The following PAK3 variants were observed in gnomAD, a reference collection of about 807,000 sequenced individuals.
PAK3 encodes serine/threonine-protein kinase PAK 3.
In PAK3, 4 loss-of-function variants were observed where a neutral mutation model predicts 41.0. That is an observed-to-expected ratio of 0.10 (90% CI 0.05 to 0.22). The LOEUF (loss-of-function observed/expected upper bound fraction) is 0.22, where lower values mean the gene tolerates loss of function less well. PAK3 is among the 10% of genes least tolerant of loss of function. The probability of loss-of-function intolerance (pLI) is 1.00; values close to 1 mark genes in which losing one functional copy is unlikely to be tolerated. For missense variants in PAK3, 205 were observed against 409.9 expected (o/e 0.50, Z 4.32); for synonymous variants, 146 against 139.6 (o/e 1.05, Z -0.32).
chrX:111,186,232 A>C (rs750068669), intron 11 of PAK3, among the ~76,000 whole-genome samples: 1 of 111,707 alleles, frequency 9.0e-6, no homozygotes, highest in Non-Finnish European at 1.9e-5. Context: ...AAACCAGCAT[A>C]AGACAAGGTT....
chrX:111,178,157 A>G (rs2094426456), intron 11 of PAK3, among the ~76,000 whole-genome samples: 1 of 110,765 alleles, frequency 9.0e-6, no homozygotes, highest in South Asian at 3.9e-4. Flanking sequence ...CCTACCCCCA[A>G]TAATGTACCT....
chrX:111,007,928 C>T (rs2091956084), intron 1 of PAK3, among the ~76,000 whole-genome samples: 1 of 111,598 alleles, frequency 9.0e-6, no homozygotes, highest in African/African-American at 3.3e-5. Flanking sequence ...TTTGTATCCT[C>T]GCTTTACCAC....
intron 4 of PAK3, among the ~76,000 whole-genome samples, chrX:111,113,904 C>T (rs2093418315): frequency 9.0e-6 from 1 of 111,658 alleles, no homozygotes; most frequent in Admixed American, 9.5e-5. Context: ...CAATAGATTG[C>T]TCAGAATGAT....
chrX:110,979,115 C>A (rs1449077445), intron 1 of PAK3, among the ~76,000 whole-genome samples: 1 of 110,505 alleles, frequency 9.0e-6, no homozygotes, highest in Non-Finnish European at 1.9e-5. Flanking sequence ...TATAGAATTG[C>A]TTGTACTACT....
At chrX:111,124,690 C>G (rs1229512312) in intron 5 of PAK3, among the ~76,000 whole-genome samples, 2 of 111,530 alleles carry the variant, frequency 1.8e-5, no homozygotes, top group Non-Finnish European at 3.8e-5. Context: ...GCCAATACTT[C>G]AGGTGACCTC....
intron 1 of PAK3, among the ~76,000 whole-genome samples, chrX:110,967,970 T>C (rs1008994446): frequency 1.8e-5 from 2 of 112,322 alleles, no homozygotes; most frequent in African/African-American, 6.5e-5. Context: ...CACATACTAG[T>C]CACATCCATT....
Position 111,017,198 on chromosome X carries a change from A to G in PAK3, c.-28+72570A>G, listed in dbSNP as rs1404274335. ...ATAACAAGCTAAACCCAAAGCTAGC[A>G]GAGGAAAGAGACCAATAAAGATTGG... is the stretch of plus-strand genomic sequence containing the variant. On this transcript the variant is annotated intron_variant, in intron 1 of 14. Coordinates refer to the PAK3 transcript ENST00000425146. 2.7e-5 allele frequency among the ~76,000 whole-genome samples: 3 copies of G among 111,730 alleles called. No individual in the cohort carries two copies. The East Asian group carries it at 8.4e-4, about 31-fold the overall frequency.
At chrX:111,004,899 A>T (rs962434342) in intron 1 of PAK3, among the ~76,000 whole-genome samples, 7 of 112,158 alleles carry the variant, frequency 6.2e-5, no homozygotes, top group African/African-American at 1.9e-4. Flanking sequence ...GAATGATCTC[A>T]TTTGGCACAT....
chrX:111,219,410 G>T (rs1294146788), intron 17 of PAK3, among the ~76,000 whole-genome samples: 2 of 109,812 alleles, frequency 1.8e-5, no homozygotes, highest in Non-Finnish European at 3.8e-5. Flanking sequence ...TTGACCCTAT[G>T]TAACTTACAA....
chrX:111,205,118 G>C (rs750481572), intron 16 of PAK3, among the ~76,000 whole-genome samples: 1 of 108,598 alleles, frequency 9.2e-6, no homozygotes, highest in African/African-American at 3.4e-5. Flanking sequence ...TTCTTGCTGA[G>C]CCTACATTTC....
chrX:111,084,894 C>T (rs963101617), intron 1 of PAK3, among the ~76,000 whole-genome samples: 11 of 111,832 alleles, frequency 9.8e-5, no homozygotes, highest in Non-Finnish European at 1.5e-4. Context: ...ATCTGAAAAA[C>T]GACTACCCCT....
chrX:111,079,645 T>C, intron 1 of PAK3, among the ~76,000 whole-genome samples: 1 of 112,352 alleles, frequency 8.9e-6, no homozygotes, highest in Middle Eastern at 4.6e-3. Flanking sequence ...CAATGGGAAA[T>C]TTTGACTTTC....
intron 1 of PAK3, among the ~76,000 whole-genome samples, chrX:111,006,927 G>A (rs763696818): frequency 2.0e-5 from 2 of 99,553 alleles, no homozygotes; most frequent in Non-Finnish European, 4.0e-5. Flanking sequence ...TCACCGAAGC[G>A]TCAACTTTCC....
chrX:111,173,283 A>AATCTTC (rs1295297200), intron 11 of PAK3, among the ~76,000 whole-genome samples: 2 of 111,485 alleles, frequency 1.8e-5, no homozygotes, highest in African/African-American at 3.3e-5. Flanking sequence ...ATCCTGCTGA[A>AATCTTC]ATCTTCATTA....
intron 8 of PAK3, among the ~76,000 whole-genome samples, chrX:111,160,470 T>TA (rs1556119519): frequency 4.6e-5 from 5 of 108,219 alleles, no homozygotes; most frequent in African/African-American, 1.8e-4. Flanking sequence ...TATTTTATTT[T>TA]TTATTATTAT....
chrX:111,100,712 G>T (rs1230052515), intron 3 of PAK3, among the ~76,000 whole-genome samples: 1 of 111,865 alleles, frequency 8.9e-6, no homozygotes. Context: ...CAGAGTAGTT[G>T]TCCATAGCTT....
At chrX:111,063,009 T>C (rs943566418) in intron 1 of PAK3, among the ~76,000 whole-genome samples, 13 of 111,378 alleles carry the variant, frequency 1.2e-4, no homozygotes, top group African/African-American at 4.2e-4. Flanking sequence ...AAAAAAACTC[T>C]TACTTCCTAC....
chrX:111,044,989 G>T (rs775041232), intron 1 of PAK3, among the ~76,000 whole-genome samples: 2 of 112,067 alleles, frequency 1.8e-5, no homozygotes, highest in Non-Finnish European at 3.8e-5. Context: ...AAAGCTTACA[G>T]TGGTATACAC....
chrX:111,090,133 C>G (rs938161269), intron 1 of PAK3, among the ~76,000 whole-genome samples: 2 of 111,088 alleles, frequency 1.8e-5, no homozygotes, highest in African/African-American at 6.6e-5. Context: ...CAATCTCCCT[C>G]AATCTCTCTT....
Sources: gnomAD v4.1 joint callset for allele counts (sites outside exome capture counted in the v4.1 genomes callset) on GRCh38, gnomAD v4.1.1 for gene constraint, MANE v1.5 for transcripts, NCBI Gene and HGNC (gene_info 2026-07-23, HGNC 2026-07-21) for gene names.